Variants in XYLT1 observed in about 807,000 individuals in gnomAD.
XYLT1 encodes the protein xylosyltransferase 1.
A neutral mutation model predicts 91.3 loss-of-function variants in XYLT1; 36 were observed. That is an observed-to-expected ratio of 0.39 (90% CI 0.30 to 0.52). XYLT1 has a LOEUF of 0.52. Ranked by LOEUF, XYLT1 falls within the 20% of genes least tolerant of loss-of-function variation. The probability of loss-of-function intolerance (pLI) is 0.68; values close to 1 mark genes in which losing one functional copy is unlikely to be tolerated. For missense variants in XYLT1, 1,242 were observed against 1,284.5 expected, an observed-to-expected ratio of 0.97 and a Z score of 0.51; for synonymous variants, 588 against 532.0, an observed-to-expected ratio of 1.11 and a Z score of -1.45.
chr16:17,129,022 C>G (rs983865460), intron 9 of XYLT1, among the ~76,000 whole-genome samples: 2 of 135,606 alleles, frequency 1.5e-5, no homozygotes, highest in Non-Finnish European at 3.1e-5. Flanking sequence ...TGTGTTCACA[C>G]ATCTCCTGAA....
At chr16:17,445,827 A>G (rs2036584560) in intron 1 of XYLT1, 2 of 152,236 alleles carry the variant, frequency 1.3e-5, no homozygotes, top group African/African-American at 4.8e-5. Context: ...AGCTGAAGTG[A>G]GTGAAGAAAA....
chr16:17,252,736 A>C (rs933080133), intron 3 of XYLT1, among the ~76,000 whole-genome samples: 1 of 152,136 alleles, frequency 6.6e-6, no homozygotes, highest in African/African-American at 2.4e-5. Flanking sequence ...GGGGACAGAG[A>C]GCGTGAGGGA....
intron 3 of XYLT1, among the ~76,000 whole-genome samples, chr16:17,245,243 C>A (rs12445796): frequency 0.35 from 53,887 of 151,950 alleles, 9,845 homozygotes; most frequent in Middle Eastern, 0.43. Context: ...TGGGCAAGTT[C>A]TTAAAAATCG....
At chr16:17,220,786 G>T (rs988680598) in intron 3 of XYLT1, among the ~76,000 whole-genome samples, 10 of 152,268 alleles carry the variant, frequency 6.6e-5, no homozygotes, top group Non-Finnish European at 1.5e-4. Context: ...GTTAACTTCT[G>T]ATGCTCTTCC....
chr16:17,137,344 C>G (rs565566403), intron 8 of XYLT1, among the ~76,000 whole-genome samples: 1 of 152,190 alleles, frequency 6.6e-6, no homozygotes, highest in Non-Finnish European at 1.5e-5. Context: ...AACAGCATCC[C>G]GCTCCACATC....
chr16:17,262,309 G>C (rs186312649), intron 2 of XYLT1, among the ~76,000 whole-genome samples: 42 of 152,272 alleles, frequency 2.8e-4, no homozygotes, highest in Middle Eastern at 3.4e-3. Context: ...CCACCTTACA[G>C]AAAAGGGTGG....
chr16:17,329,701 T>G (rs1217959264), intron 2 of XYLT1, among the ~76,000 whole-genome samples: 3 of 152,306 alleles, frequency 2.0e-5, no homozygotes, highest in East Asian at 3.9e-4. Flanking sequence ...GGTCTGTTAC[T>G]TGCACAAACA....
At chr16:17,411,370 C>G (rs1596531911) in intron 1 of XYLT1, among the ~76,000 whole-genome samples, 1 of 152,060 alleles carries the variant, frequency 6.6e-6, no homozygotes, top group East Asian at 1.9e-4. Context: ...ACAATTTGCT[C>G]CCTAATTAAT....
chr16:17,198,461 T>A (rs1444595249), intron 4 of XYLT1, 47 bp from the exon 5 acceptor site: 1 of 1,574,512 alleles, frequency 6.4e-7, no homozygotes, highest in Non-Finnish European at 8.6e-7. Flanking sequence ...GCCTAGAAAA[T>A]ACCCAGGCAT....
intron 2 of XYLT1, among the ~76,000 whole-genome samples, chr16:17,265,339 A>G (rs1431255507): frequency 3.3e-5 from 5 of 152,208 alleles, no homozygotes; most frequent in African/African-American, 1.2e-4. Context: ...CTCTCCCCTG[A>G]CAGTCTCTGC....
At chr16:17,281,223 C>A (rs1320154511) in intron 2 of XYLT1, among the ~76,000 whole-genome samples, 1 of 152,116 alleles carries the variant, frequency 6.6e-6, no homozygotes, top group African/African-American at 2.4e-5. Flanking sequence ...GGCATCAGAG[C>A]CCCAGTGCCC....
intron 2 of XYLT1, among the ~76,000 whole-genome samples, chr16:17,314,432 G>C (rs867945678): frequency 6.6e-6 from 1 of 152,154 alleles, no homozygotes; most frequent in Non-Finnish European, 1.5e-5. Context: ...CTAGATTCCA[G>C]GTCCTAGAAT....
At chr16:17,286,017 T>TA (rs2034135584) in intron 2 of XYLT1, among the ~76,000 whole-genome samples, 2 of 151,930 alleles carry the variant, frequency 1.3e-5, no homozygotes. Flanking sequence ...AAACAGCAGC[T>TA]AACACAATGG....
intron 5 of XYLT1, among the ~76,000 whole-genome samples, chr16:17,170,812 A>G (rs9921423): frequency 2.7e-4 from 41 of 152,286 alleles, no homozygotes; most frequent in African/African-American, 9.4e-4. Context: ...ACGCACCTAC[A>G]CTAATGTATC....
At chr16:17,316,187 G>A (rs1399428433) in intron 2 of XYLT1, among the ~76,000 whole-genome samples, 1 of 152,172 alleles carries the variant, frequency 6.6e-6, no homozygotes, top group Non-Finnish European at 1.5e-5. Flanking sequence ...AGGAAATTAA[G>A]CTTATTGACT....
chr16:17,368,603 AC>A (rs2035486203), intron 1 of XYLT1, among the ~76,000 whole-genome samples: 2 of 148,306 alleles, frequency 1.3e-5, no homozygotes, highest in Admixed American at 6.7e-5. Context: ...AAAAAAAAAA[AC>A]GACAGGGTCT....
chr16:17,303,239 C>T (rs1221746048), intron 2 of XYLT1, among the ~76,000 whole-genome samples: 1 of 152,214 alleles, frequency 6.6e-6, no homozygotes, highest in Non-Finnish European at 1.5e-5. Context: ...AGCTTTAAGA[C>T]CAAATCTGGC....
At chr16:17,423,769 C>G (rs1055679474) in intron 1 of XYLT1, among the ~76,000 whole-genome samples, 1 of 152,088 alleles carries the variant, frequency 6.6e-6, no homozygotes, top group African/African-American at 2.4e-5. Flanking sequence ...GTGCATGCCA[C>G]CATGCCCAGC....
chr16:17,327,231 GTGTT>G (rs1328543346), intron 2 of XYLT1, among the ~76,000 whole-genome samples: 3 of 152,078 alleles, frequency 2.0e-5, no homozygotes, highest in South Asian at 2.1e-4. Flanking sequence ...TTTTTAAAAA[GTGTT>G]TGAGAGGCCA....
Sources: allele counts gnomAD v4.1 joint callset (sites outside exome capture counted in the v4.1 genomes callset), GRCh38; gene constraint gnomAD v4.1.1; transcripts MANE v1.5; gene names NCBI Gene and HGNC (gene_info 2026-07-23, HGNC 2026-07-21).